Variants in LHFPL4 observed in about 807,000 individuals in gnomAD.
LHFPL4 encodes the protein LHFPL tetraspan subfamily member 4, also known as LHFPL tetraspan subfamily member 4 protein.
LHFPL4 carries 6 observed loss-of-function variants against 20.0 expected under a neutral mutation model. The ratio of observed to expected loss-of-function variants is 0.30; its 90% CI spans 0.16 to 0.59. The LOEUF (loss-of-function observed/expected upper bound fraction) is 0.59. LHFPL4 is among the 20% of genes least tolerant of loss of function. LHFPL4 has a pLI of 0.88. For missense variants in LHFPL4, 215 were observed against 331.2 expected (o/e 0.65, Z 2.72); for synonymous variants, 129 against 143.8 (o/e 0.90, Z 0.74).
At chr3:9,522,053 T>A (rs2046341080) in intron 2 of LHFPL4, among the ~76,000 whole-genome samples, 2 of 152,184 alleles carry the variant, frequency 1.3e-5, no homozygotes, top group East Asian at 1.9e-4. Context: ...CTTAAAAAAA[T>A]TTTTAAGTAG....
intron 2 of LHFPL4, among the ~76,000 whole-genome samples, chr3:9,512,859 C>T (rs894802187): frequency 6.6e-6 from 1 of 152,212 alleles, no homozygotes; most frequent in Non-Finnish European, 1.5e-5. Context: ...GGCTATACCC[C>T]AGGAGTGGTG....
At chr3:9,521,404 T>C (rs114286435) in intron 2 of LHFPL4, among the ~76,000 whole-genome samples, 3,147 of 128,982 alleles carry the variant, frequency 0.024, 130 homozygotes, top group African/African-American at 0.079. Context: ...TTTTTTCTAC[T>C]TTTTTTTTTT....
intron 2 of LHFPL4, among the ~76,000 whole-genome samples, chr3:9,542,163 G>A (rs1439062303): frequency 6.6e-6 from 1 of 152,160 alleles, no homozygotes; most frequent in Non-Finnish European, 1.5e-5. Context: ...GCATCTGCCT[G>A]TAATCCCAGC....
intron 2 of LHFPL4, among the ~76,000 whole-genome samples, chr3:9,549,314 G>A (rs1473760363): frequency 2.0e-5 from 3 of 152,116 alleles, no homozygotes; most frequent in African/African-American, 7.2e-5. Context: ...AGCTGGTGAA[G>A]AACAAACAAA....
At chr3:9,532,789 T>C (rs1472181886) in intron 2 of LHFPL4, among the ~76,000 whole-genome samples, 1 of 152,108 alleles carries the variant, frequency 6.6e-6, no homozygotes, top group Admixed American at 6.6e-5. Context: ...GGGTCTTCTG[T>C]CCTTGAACAG....
chr3:9,529,275 C>G (rs985186679), intron 2 of LHFPL4, among the ~76,000 whole-genome samples: 5 of 152,124 alleles, frequency 3.3e-5, no homozygotes, highest in African/African-American at 1.2e-4. Flanking sequence ...GATCCACCCA[C>G]CTTGGCCTCC....
intron 2 of LHFPL4, among the ~76,000 whole-genome samples, chr3:9,524,693 G>C (rs1046587472): frequency 3.9e-5 from 6 of 152,082 alleles, no homozygotes; most frequent in Admixed American, 6.6e-5. Flanking sequence ...ATTAATTATA[G>C]TTATATGTGT....
chr3:9,538,339 T>C (rs2046455871), intron 2 of LHFPL4, among the ~76,000 whole-genome samples: 1 of 152,156 alleles, frequency 6.6e-6, no homozygotes, highest in African/African-American at 2.4e-5. Context: ...CCAAAGCCAC[T>C]GTCAAGGCCC....
intron 2 of LHFPL4, among the ~76,000 whole-genome samples, chr3:9,510,497 A>G (rs993875248): frequency 1.3e-5 from 2 of 151,536 alleles, no homozygotes; most frequent in African/African-American, 4.9e-5. Context: ...CCACTGGTGT[A>G]GGGGCAGAGG....
In LHFPL4 at chr3:9,519,442, C is replaced by T. The variant is rs368347112; in HGVS notation, c.407-13239G>A. Among the ~76,000 whole-genome samples the T allele has an allele frequency of 2.1e-4, 32 of 152,092 alleles. 1 individual carries two copies. Among genetic ancestry groups the T allele is most frequent in the African/African-American group, 7.0e-4 (29 of 41,376 alleles). ...TCTCATAGTTAACCTGGGTAGAGGA[C>T]TATTGATTTTGTTGATCTTTTCAAA... On this transcript the variant is annotated intron_variant, in intron 2 of 3. Coordinates refer to ENST00000287585, the MANE Select transcript of LHFPL4 (RefSeq NM_198560.3).
At chr3:9,531,801 GAAAGAAAAGA>G (rs58150564) in intron 2 of LHFPL4, among the ~76,000 whole-genome samples, 32 of 148,244 alleles carry the variant, frequency 2.2e-4, no homozygotes, top group South Asian at 4.3e-4. Context: ...CTCCATCTCA[GAAAGAAAAGA>G]AAAGAAAAGA....
chr3:9,542,476 G>C (rs989317853), intron 2 of LHFPL4, among the ~76,000 whole-genome samples: 2 of 152,004 alleles, frequency 1.3e-5, no homozygotes, highest in African/African-American at 4.8e-5. Flanking sequence ...AATGAACTTT[G>C]AAAATGTTAT....
At chr3:9,542,272 C>T (rs1180995839) in intron 2 of LHFPL4, among the ~76,000 whole-genome samples, 2 of 151,644 alleles carry the variant, frequency 1.3e-5, no homozygotes, top group East Asian at 1.9e-4. Context: ...GGCACCAGAG[C>T]GAGACTCTGT....
chr3:9,523,828 C>G (rs2046356236), intron 2 of LHFPL4, among the ~76,000 whole-genome samples: 1 of 152,108 alleles, frequency 6.6e-6, no homozygotes, highest in Non-Finnish European at 1.5e-5. Flanking sequence ...ATACTGTTTC[C>G]CATTTTTTTC....
chr3:9,549,098 T>C (rs1185542055), intron 2 of LHFPL4, among the ~76,000 whole-genome samples: 2 of 152,184 alleles, frequency 1.3e-5, no homozygotes, highest in African/African-American at 4.8e-5. Context: ...CCCTAGCCTC[T>C]TTATTTTTTT....
intron 2 of LHFPL4, among the ~76,000 whole-genome samples, chr3:9,534,167 A>C (rs1036416447): frequency 4.0e-5 from 6 of 151,772 alleles, no homozygotes; most frequent in African/African-American, 1.5e-4. Flanking sequence ...CAGTGACCTG[A>C]GATTGTCCCA....
intron 2 of LHFPL4, among the ~76,000 whole-genome samples, chr3:9,520,327 T>C (rs1027746442): frequency 6.6e-6 from 1 of 151,972 alleles, no homozygotes; most frequent in Non-Finnish European, 1.5e-5. Flanking sequence ...ATTTTAAAGT[T>C]TATCTTGAGG....
intron 3 of LHFPL4, among the ~76,000 whole-genome samples, chr3:9,505,248 G>A (rs2046208815): frequency 6.8e-6 from 1 of 148,056 alleles, no homozygotes; most frequent in Admixed American, 6.9e-5. Context: ...TGTCAGGCAG[G>A]TTTCTTTTTT....
chr3:9,505,453 T>G lies in LHFPL4; in HGVS notation c.643+514A>C, dbSNP rs370969691. Among the ~76,000 whole-genome samples the G allele has an allele frequency of 8.3e-4, 125 of 151,372 alleles. 1 individual carries two copies. In the South Asian group the frequency reaches 9.4e-3, roughly 11 times the overall value. ...TCCAGCTAGTTTTTGTTTTTTTTTG[T>G]TTTTTTGTTTTTTTGTTTTTGAGAC... On this transcript the variant is annotated intron_variant, in intron 3 of 3. Coordinates refer to ENST00000287585, the MANE Select transcript of LHFPL4 (RefSeq NM_198560.3).
Sources: gnomAD v4.1 joint callset for allele counts (sites outside exome capture counted in the v4.1 genomes callset) on GRCh38, gnomAD v4.1.1 for gene constraint, MANE v1.5 for transcripts, NCBI Gene and HGNC (gene_info 2026-07-23, HGNC 2026-07-21) for gene names.